PHLPP1: variants seen among roughly 807,000 people sequenced by gnomAD.
PHLPP1 encodes PH domain and leucine rich repeat protein phosphatase 1, also known as PH domain leucine-rich repeat-containing protein phosphatase 1.
A neutral mutation model predicts 117.2 loss-of-function variants in PHLPP1; 42 were observed. The observed-to-expected ratio is 0.36, with a 90% CI of 0.28 to 0.46. PHLPP1 has a LOEUF of 0.46. Among genes scored for constraint, PHLPP1 ranks in the 20% least tolerant of loss-of-function variants. PHLPP1 has a pLI of 1.00. For synonymous variants in PHLPP1, 1,042 were observed against 970.7 expected, an observed-to-expected ratio of 1.07 and a Z score of -1.37; for missense variants, 2,084 against 2,241.9, an observed-to-expected ratio of 0.93 and a Z score of 1.42.
At chr18:62,831,559 G>C (rs988644248) in intron 2 of PHLPP1, among the ~76,000 whole-genome samples, 2 of 152,086 alleles carry the variant, frequency 1.3e-5, no homozygotes, top group Non-Finnish European at 2.9e-5. Flanking sequence ...GGATGGTCTT[G>C]ATCTCCTGAC....
intron 10 of PHLPP1, among the ~76,000 whole-genome samples, chr18:62,936,401 G>T (rs939191979): frequency 6.6e-6 from 1 of 152,020 alleles, no homozygotes; most frequent in African/African-American, 2.4e-5. Flanking sequence ...AAAATCACTT[G>T]GCAAACAACA....
At chr18:62,974,142 C>T (rs778342393) in intron 15 of PHLPP1, among the ~76,000 whole-genome samples, 1 of 152,244 alleles carries the variant, frequency 6.6e-6, no homozygotes, top group African/African-American at 2.4e-5. Flanking sequence ...ACCCCAGTCT[C>T]GGATTACTTG....
intron 11 of PHLPP1, among the ~76,000 whole-genome samples, 159 bp from the exon 12 acceptor site, chr18:62,944,950 T>C (rs1429886918): frequency 6.6e-6 from 1 of 152,230 alleles, no homozygotes; most frequent in East Asian, 1.9e-4. Context: ...AAGGAGGTGT[T>C]AAAATATTTC....
chr18:62,867,089 A>G (rs922193564), intron 4 of PHLPP1, among the ~76,000 whole-genome samples: 21 of 152,270 alleles, frequency 1.4e-4, no homozygotes, highest in South Asian at 1.2e-3. Context: ...AACACCCTAT[A>G]TAGATTTTTA....
At chr18:62,845,117 A>T (rs867802363) in intron 3 of PHLPP1, among the ~76,000 whole-genome samples, 1 of 152,186 alleles carries the variant, frequency 6.6e-6, no homozygotes, top group African/African-American at 2.4e-5. Context: ...TTAGTTGGTT[A>T]TAACATGGTG....
intron 1 of PHLPP1, among the ~76,000 whole-genome samples, chr18:62,821,380 C>G (rs1185338302): frequency 1.3e-5 from 2 of 151,618 alleles, no homozygotes; most frequent in African/African-American, 2.4e-5. Context: ...GAAACCCTGT[C>G]TCTACAAAAA....
intron 1 of PHLPP1, among the ~76,000 whole-genome samples, chr18:62,724,173 C>A (rs1364626287): frequency 1.3e-5 from 2 of 152,166 alleles, no homozygotes; most frequent in African/African-American, 4.8e-5. Context: ...AAGTAAAATT[C>A]AGCATGCCAG....
chr18:62,912,206 G>A (rs1916971220), intron 8 of PHLPP1, among the ~76,000 whole-genome samples: 1 of 147,798 alleles, frequency 6.8e-6, no homozygotes, highest in South Asian at 2.2e-4. Flanking sequence ...AATGCTAGAT[G>A]ACACGTTAGT....
At chr18:62,961,979 G>A (rs1910782545) in intron 13 of PHLPP1, among the ~76,000 whole-genome samples, 1 of 152,180 alleles carries the variant, frequency 6.6e-6, no homozygotes, top group African/African-American at 2.4e-5. Flanking sequence ...TGGTTCTTAG[G>A]AAGGATATAC....
chr18:62,843,243 A>G (rs1023086766), intron 3 of PHLPP1, among the ~76,000 whole-genome samples: 3 of 152,212 alleles, frequency 2.0e-5, no homozygotes, highest in African/African-American at 7.2e-5. Flanking sequence ...AAAACAAACC[A>G]ACAACAGGAA....
intron 15 of PHLPP1, among the ~76,000 whole-genome samples, chr18:62,974,411 T>G (rs564462467): frequency 6.6e-6 from 1 of 152,304 alleles, no homozygotes; most frequent in African/African-American, 2.4e-5. Context: ...TTTCCATTGC[T>G]CTTCTTGCCA....
chr18:62,933,198 T>C (rs1315342385), intron 10 of PHLPP1, among the ~76,000 whole-genome samples: 1 of 152,198 alleles, frequency 6.6e-6, no homozygotes, highest in African/African-American at 2.4e-5. Context: ...CCAAACAGTC[T>C]ACAGATTCAA....
At position 62,980,352 on chromosome 18, in the gene PHLPP1, C is replaced by G. The variant is rs953954114; in HGVS notation, c.*921C>G. 6.6e-6 allele frequency: 1 copy of G among 152,614 alleles called. No homozygotes were observed. 9.5% of individuals were successfully genotyped at this position (152,614 alleles called of 1,614,324 possible). A position where few individuals can be genotyped will look rare whatever the true frequency, so the allele number is the denominator to read the frequency against. On this transcript the variant is annotated 3_prime_UTR_variant, in exon 17 of 17. Coordinates refer to ENST00000262719, the MANE Select transcript of PHLPP1 (RefSeq NM_194449.4). Reference sequence around the variant, plus strand: ...GTATAGTGCCCCATTAGGCCATTTACATACCCAGAGTTATACTCAAGCAGA... The same window carrying G: ...GTATAGTGCCCCATTAGGCCATTTAGATACCCAGAGTTATACTCAAGCAGA...
intron 1 of PHLPP1, among the ~76,000 whole-genome samples, chr18:62,721,314 G>A (rs1040834156): frequency 1.3e-5 from 2 of 152,006 alleles, no homozygotes; most frequent in Non-Finnish European, 2.9e-5. Context: ...TAAAGTTTAC[G>A]TAATAGTTCT....
chr18:62,809,728 C>T (rs1914057641), intron 1 of PHLPP1, among the ~76,000 whole-genome samples: 1 of 151,970 alleles, frequency 6.6e-6, no homozygotes, highest in African/African-American at 2.4e-5. Context: ...TGGCATTTCT[C>T]AGTATGTCTT....
At chr18:62,858,763 C>T (rs1283068556) in intron 3 of PHLPP1, among the ~76,000 whole-genome samples, 1 of 151,692 alleles carries the variant, frequency 6.6e-6, no homozygotes, top group East Asian at 1.9e-4. Context: ...AGACCTTGCC[C>T]CTACTTTATT....
In PHLPP1 at chr18:62,846,140, T is replaced by C. The variant is rs1329407820; in HGVS notation, c.1899+7231T>C. Among the ~76,000 whole-genome samples, 4 of 136,832 alleles carry C rather than the reference T, an allele frequency of 2.9e-5. No individual in the cohort carries two copies. In the East Asian group the frequency reaches 8.5e-4, roughly 29 times the overall value. 89.8% of individuals were successfully genotyped at this position (136,832 alleles called of 152,430 possible). On this transcript the variant is annotated intron_variant, in intron 3 of 16. Transcript: ENST00000262719. ...AGGAGAATTGCTTGAACTCAGGAGG[T>C]AGAGGTTGCAGTGACCCAAGATGGT...
intron 1 of PHLPP1, among the ~76,000 whole-genome samples, chr18:62,785,608 A>G (rs1913258621): frequency 6.6e-6 from 1 of 152,232 alleles, no homozygotes; most frequent in African/African-American, 2.4e-5. Flanking sequence ...GTTTCCTTAC[A>G]GGCAAGAAAA....
intron 3 of PHLPP1, among the ~76,000 whole-genome samples, chr18:62,854,647 C>CATAGAGTTA (rs1412099550): frequency 6.6e-6 from 1 of 150,774 alleles, no homozygotes; most frequent in Non-Finnish European, 1.5e-5. Flanking sequence ...GACCTGATGG[C>CATAGAGTTA]ATAGAGTTAA....
Sources: allele counts gnomAD v4.1 joint callset (sites outside exome capture counted in the v4.1 genomes callset), GRCh38; gene constraint gnomAD v4.1.1; transcripts MANE v1.5; gene names NCBI Gene and HGNC (gene_info 2026-07-23, HGNC 2026-07-21).